The following FBXO7 variants were observed in gnomAD, a reference collection of about 807,000 sequenced individuals.
The protein encoded by FBXO7 is F-box protein 7, also known as F-box only protein 7.
Under a neutral mutation model 50.2 loss-of-function variants are expected in FBXO7, and 31 were observed. That is an observed-to-expected ratio of 0.62 (90% confidence interval 0.46 to 0.83). The LOEUF (loss-of-function observed/expected upper bound fraction) is 0.83, where lower values mean the gene tolerates loss of function less well. Among genes scored for constraint, FBXO7 ranks in the 40% least tolerant of loss-of-function variants. The pLI is 0.00. For missense variants in FBXO7, 667 were observed against 646.6 expected (o/e 1.03, Z -0.34); for synonymous variants, 256 against 253.1 (o/e 1.01, Z -0.11).
chr22:32,497,134 TAAAG>T (rs1280038338), intron 8 of FBXO7, among the ~76,000 whole-genome samples: 7 of 152,224 alleles, frequency 4.6e-5, no homozygotes, highest in Non-Finnish European at 7.3e-5. Flanking sequence ...TTCTTACGGA[TAAAG>T]AGAGAAAGTG....
At chr22:32,484,946 T>A (rs1039579586) in intron 3 of FBXO7, 122 bp from the exon 4 acceptor site, 2 of 1,130,072 alleles carry the variant, frequency 1.8e-6, no homozygotes, top group Admixed American at 1.8e-5. Context: ...ATTTGATGCA[T>A]TTTATTAAGA....
chr22:32,479,258 T>C lies in FBXO7; in HGVS notation c.400T>C (p.Trp134Arg). 2 of 1,614,184 alleles carry C rather than the reference T, an allele frequency of 1.2e-6. No individual in the cohort carries two copies. Among genetic ancestry groups the C allele is most frequent in the Non-Finnish European group, 1.7e-6 (2 of 1,180,038 alleles). Residue 134 changes from tryptophan (W) to arginine (R), a missense_variant, in exon 2 of 9, where the codon TGG becomes CGG. Physicochemically the swap from Trp to Arg is moderately radical, Grantham distance 101 (BLOSUM62 -3). Transcript: ENST00000266087. ...FQGQAAQSGVWNDDSMLGPSQ... is the reference protein window; with the variant it reads ...FQGQAAQSGVRNDDSMLGPSQ... ...AGGACAGGCAGCCCAGTCTGGTGTT[T>C]GGAATGACGACAGTATGGTGGGTAT...
At chr22:32,497,718 A>G (rs1435773691) in intron 8 of FBXO7, among the ~76,000 whole-genome samples, 1 of 152,214 alleles carries the variant, frequency 6.6e-6, no homozygotes, top group Admixed American at 6.5e-5. Context: ...GAGTGAGTCA[A>G]TGTGACAAAC....
intron 2 of FBXO7, 69 bp from the exon 3 acceptor site, chr22:32,483,828 T>G: frequency 7.0e-7 from 1 of 1,425,660 alleles, no homozygotes; most frequent in Non-Finnish European, 9.8e-7. Flanking sequence ...TAGTTCACTT[T>G]AGGATACAAA....
intron 2 of FBXO7, among the ~76,000 whole-genome samples, chr22:32,481,439 C>G (rs1284781952): frequency 6.6e-6 from 1 of 152,134 alleles, no homozygotes; most frequent in Middle Eastern, 3.2e-3. Flanking sequence ...TGATAGTTTG[C>G]TAGTTTCCTT....
At chr22:32,490,761 A>G (rs1019714931) in intron 5 of FBXO7, 13 of 300,836 alleles carry the variant, frequency 4.3e-5, no homozygotes, top group Non-Finnish European at 8.2e-5. Context: ...CTGTATCCTT[A>G]GTGCCCAGAA....
chr22:32,496,981 A>G (rs1182803503), intron 8 of FBXO7, among the ~76,000 whole-genome samples: 1 of 152,146 alleles, frequency 6.6e-6, no homozygotes, highest in Non-Finnish European at 1.5e-5. Flanking sequence ...ATCCTCGTGG[A>G]TGACTTTGAG....
chr22:32,475,050 G>T lies in FBXO7; in HGVS notation c.48G>T (p.Val16=). ...TGAAGCGGACCTGGCCGCTGGAGGT[G>T]CCCGAGACGGAGCCGACGCTGGGGC... ...RLLKRTWPLE[V]PETEPTLGHL... Residue 16 remains valine (V), a synonymous_variant, in exon 1 of 9, where the codon GTG becomes GTT. Transcript: ENST00000266087. The T allele has an allele frequency of 6.5e-7, 1 of 1,544,818 alleles. No homozygotes were observed.
chr22:32,475,240 C>T lies in FBXO7; in HGVS notation c.122+116C>T, dbSNP rs8136485. Reference sequence around the variant, plus strand: ...GCGCGGGCGTGGCCGGGCGATAGGCCAAGTGCGGGGACGCCGGGGGGGCCT... The same window carrying T: ...GCGCGGGCGTGGCCGGGCGATAGGCTAAGTGCGGGGACGCCGGGGGGGCCT... On this transcript the variant is annotated intron_variant, in intron 1 of 8. Coordinates refer to ENST00000266087, the MANE Select transcript of FBXO7 (RefSeq NM_012179.4). The T allele has an allele frequency of 0.21, 315,318 of 1,532,754 alleles. 33,056 individuals carry two copies. The highest frequency in any genetic ancestry group is 0.22 in the Middle Eastern group (950 of 4,342). The allele number at this position is 1,532,754 out of a possible 1,614,324, so 94.9% of individuals were successfully genotyped here. A position where few individuals can be genotyped will look rare whatever the true frequency, so the allele number is the denominator to read the frequency against.
At chr22:32,495,325 TAAG>T (rs1233084359) in intron 7 of FBXO7, among the ~76,000 whole-genome samples, 165 bp from the exon 8 acceptor site, 1 of 150,956 alleles carries the variant, frequency 6.6e-6, no homozygotes, top group Non-Finnish European at 1.5e-5. Context: ...TTGAATTAGA[TAAG>T]AAAGTACAAA....
intron 8 of FBXO7, among the ~76,000 whole-genome samples, chr22:32,496,271 A>G (rs1195268361): frequency 6.6e-6 from 1 of 152,182 alleles, no homozygotes; most frequent in Non-Finnish European, 1.5e-5. Flanking sequence ...ACCTGAGGTC[A>G]GGAGTTGGAG....
At chr22:32,478,282 A>G (rs1191063217) in intron 1 of FBXO7, 1 of 152,546 alleles carries the variant, frequency 6.6e-6, no homozygotes, top group Non-Finnish European at 1.5e-5. Flanking sequence ...ATGTGATCTA[A>G]TTTGTATTTT....
chr22:32,477,875 TG>T (rs2057438959), intron 1 of FBXO7, among the ~76,000 whole-genome samples: 1 of 152,240 alleles, frequency 6.6e-6, no homozygotes, highest in Non-Finnish European at 1.5e-5. Flanking sequence ...ACAAGATCGC[TG>T]ATCTTATGAA....
chr22:32,498,476 T>G lies in FBXO7; in HGVS notation c.1515T>G (p.Phe505Leu). Residue 505 changes from phenylalanine to leucine, a missense_variant, in exon 9 of 9, where the codon TTT becomes TTG. By Grantham distance (22) the Phe-to-Leu change is conservative. Coordinates refer to ENST00000266087, the MANE Select transcript of FBXO7 (RefSeq NM_012179.4). ...GGCGAGGCGGCCCCAATGACAGATTTCCCTTTAGACCCAGCAGGGGTCGGC... is the reference window on the plus strand; with the variant it reads ...GGCGAGGCGGCCCCAATGACAGATTGCCCTTTAGACCCAGCAGGGGTCGGC... ...LPGRGGPNDRFPFRPSRGRPT... is the reference protein window; with the variant it reads ...LPGRGGPNDRLPFRPSRGRPT... 1 of 1,614,128 alleles carries G rather than the reference T, an allele frequency of 6.2e-7. No individual in the cohort carries two copies. The highest frequency in any genetic ancestry group is 8.5e-7 in the Non-Finnish European group (1 of 1,180,010).
intron 1 of FBXO7, chr22:32,475,421 G>C (rs1215628902): frequency 1.2e-6 from 2 of 1,610,266 alleles, no homozygotes; most frequent in African/African-American, 2.7e-5. Flanking sequence ...TTCTGGTTTT[G>C]CAGTAAACGG....
At position 32,490,730 on chromosome 22, in the gene FBXO7, G is replaced by A. The variant is rs1006520838; in HGVS notation, c.872-356G>A. On this transcript the variant is annotated intron_variant, in intron 5 of 8. Transcript: ENST00000266087. ...GCTATTAATTTACCAGGTTCTAAGCGTTAACAGGAGCAGTTCTCCACTGTA... is the reference window on the plus strand; with the variant it reads ...GCTATTAATTTACCAGGTTCTAAGCATTAACAGGAGCAGTTCTCCACTGTA... The A allele has an allele frequency of 3.2e-4, 49 of 152,000 alleles. 1 individual carries two copies. Among genetic ancestry groups the A allele is most frequent in the Admixed American group, 2.3e-3 (27 of 11,574 alleles). 9.4% of individuals were successfully genotyped at this position (152,000 alleles called of 1,614,324 possible).
At chr22:32,483,746 A>C (rs2145992782) in intron 2 of FBXO7, 151 bp from the exon 3 acceptor site, 1 of 710,584 alleles carries the variant, frequency 1.4e-6, no homozygotes, top group Middle Eastern at 3.6e-4. Flanking sequence ...TCGCAGGCTT[A>C]TTTATTTGTA....
At chr22:32,475,986 C>T (rs1310590660) in intron 1 of FBXO7, 1 of 152,060 alleles carries the variant, frequency 6.6e-6, no homozygotes, top group Non-Finnish European at 1.5e-5. Context: ...AAATACTGAG[C>T]TAGTGAATTT....
At chr22:32,483,129 A>G (rs1008051895) in intron 2 of FBXO7, among the ~76,000 whole-genome samples, 3 of 152,236 alleles carry the variant, frequency 2.0e-5, no homozygotes, top group Admixed American at 1.3e-4. Context: ...ATCTAGTTTC[A>G]TGAGATGGTG....
Sources: gnomAD v4.1 joint callset for allele counts (sites outside exome capture counted in the v4.1 genomes callset) on GRCh38, gnomAD v4.1.1 for gene constraint, MANE v1.5 for transcripts, NCBI Gene and HGNC (gene_info 2026-07-23, HGNC 2026-07-21) for gene names.